The following NYAP2 variants were observed in gnomAD, a reference collection of about 807,000 sequenced individuals.
The protein encoded by NYAP2 is neuronal tyrosine-phosphorylated phosphoinositide-3-kinase adaptor 2.
A neutral mutation model predicts 50.4 loss-of-function variants in NYAP2; 23 were observed. The observed-to-expected ratio is 0.46, with a 90% CI of 0.33 to 0.65. NYAP2 has a LOEUF of 0.65. Among genes scored for constraint, NYAP2 ranks in the 30% least tolerant of loss-of-function variants. The pLI, the probability that NYAP2 is intolerant of heterozygous loss-of-function variation, is 0.02. For synonymous variants in NYAP2, 394 were observed against 365.2 expected, an observed-to-expected ratio of 1.08 and a Z score of -0.90; for missense variants, 885 against 861.0, an observed-to-expected ratio of 1.03 and a Z score of -0.35.
chr2:225,654,262 TC>T (rs1693788702), downstream of NYAP2, among the ~76,000 whole-genome samples: 3 of 152,030 alleles, frequency 2.0e-5, no homozygotes, highest in African/African-American at 7.2e-5. Context: ...AAACAATCCC[TC>T]TGGTCACTTT....
At chr2:225,401,040 T>A (rs1694851884) in exon 2 of NYAP2, 1 of 152,562 alleles carries the variant, frequency 6.6e-6, no homozygotes, top group Non-Finnish European at 1.5e-5. Flanking sequence ...GGACTTAAAT[T>A]TTGGTATGTA....
chr2:225,580,048 A>C (rs1227451817), intron 4 of NYAP2, among the ~76,000 whole-genome samples: 1 of 152,118 alleles, frequency 6.6e-6, no homozygotes, highest in African/African-American at 2.4e-5. Flanking sequence ...ACCCCAGTCC[A>C]TTCAATTCCT....
At chr2:225,494,470 G>T (rs571519306) in intron 3 of NYAP2, among the ~76,000 whole-genome samples, 1 of 152,278 alleles carries the variant, frequency 6.6e-6, no homozygotes, top group East Asian at 1.9e-4. Context: ...CACCAGTTCT[G>T]CTGGATTCAT....
intron 3 of NYAP2, among the ~76,000 whole-genome samples, chr2:225,506,496 A>G (rs1559198607): frequency 6.6e-6 from 1 of 152,192 alleles, no homozygotes; most frequent in Non-Finnish European, 1.5e-5. Context: ...CTAGATGGCC[A>G]ATTTCCATGA....
intron 5 of NYAP2, among the ~76,000 whole-genome samples, chr2:225,585,422 A>G (rs996426727): frequency 6.6e-6 from 1 of 152,228 alleles, no homozygotes; most frequent in African/African-American, 2.4e-5. Context: ...TTCAAGAAAA[A>G]TCCATCTGTT....
chr2:225,582,802 C>A lies in NYAP2; in HGVS notation c.1385C>A (p.Ser462Ter). 1 of 1,613,876 alleles carries A rather than the reference C, an allele frequency of 6.2e-7. No homozygotes were observed. Among genetic ancestry groups the A allele is most frequent in the Non-Finnish European group, 8.5e-7 (1 of 1,179,874 alleles). Residue 462 changes from serine to a stop codon, truncating the protein, a stop_gained, in exon 5 of 7, where the codon TCG becomes TAG. Transcript: ENST00000636099. LOFTEE classifies it high-confidence loss of function. This position sits in a 1 kb window ranked among gnomAD's most constrained non-coding sequence, Gnocchi z 7.0. ...CCTCCCCCTTACGACGCTGTGCATT[C>A]GGGCAGCCTCTCAAGGAGCTCTCCT...
chr2:225,411,687 A>G lies in NYAP2; in HGVS notation c.221+2586A>G, dbSNP rs142212914. On this transcript the variant is annotated intron_variant, in intron 3 of 6. Transcript: ENST00000636099. ...GGAACAGTGGAAGAATTCAGTAAGA[A>G]CGGTTAGTGAGAGGGGAGAACCACA... 2.0e-3 allele frequency among the ~76,000 whole-genome samples: 304 copies of G among 152,218 alleles called. 1 individual carries two copies. The highest frequency in any genetic ancestry group is 6.8e-3 in the African/African-American group (284 of 41,554).
At chr2:225,692,049 G>A in the NYAP2 span, among the ~76,000 whole-genome samples, 9 of 152,044 alleles carry the variant, frequency 5.9e-5, no homozygotes, top group African/African-American at 1.9e-4. Context: ...TTACTCTCAC[G>A]ACAAGTCTCA....
rs370376393 is a variant in NYAP2 at position 225,474,677 on chromosome 2, C to T, written c.222-38694C>T. On this transcript the variant is annotated intron_variant, in intron 3 of 6. Transcript: ENST00000636099. ...ATTGATTTTGTATCCTGAGACTTTGCTGAAGTTGCCTATCAGCTTAAGGAG... is the reference window on the plus strand; with the variant it reads ...ATTGATTTTGTATCCTGAGACTTTGTTGAAGTTGCCTATCAGCTTAAGGAG... 3.0e-4 allele frequency among the ~76,000 whole-genome samples: 46 copies of T among 152,328 alleles called. No individual in the cohort carries two copies. The East Asian group carries it at 6.6e-3, about 22-fold the overall frequency.
rs527290494 is a variant in NYAP2, at chr2:225,429,102, G to A, written c.221+20001G>A. Reference sequence around the variant, plus strand: ...TAGCCAGTGGCAGAATTAAGGTAAAGCTCAGATGTATCTGACTCCCAAGAA... The same window carrying A: ...TAGCCAGTGGCAGAATTAAGGTAAAACTCAGATGTATCTGACTCCCAAGAA... On this transcript the variant is annotated intron_variant, in intron 3 of 6. Coordinates refer to ENST00000636099, the Ensembl canonical transcript of NYAP2. Among the ~76,000 whole-genome samples the A allele has an allele frequency of 5.9e-5, 9 of 152,074 alleles. No homozygotes were observed. In the East Asian group the frequency reaches 1.7e-3, roughly 29 times the overall value.
chr2:225,578,221 T>C (rs1364154267), intron 4 of NYAP2, among the ~76,000 whole-genome samples: 2 of 151,906 alleles, frequency 1.3e-5, no homozygotes, highest in East Asian at 1.9e-4. Flanking sequence ...GTGTGAGCCA[T>C]TGCACCCCAC....
intron 4 of NYAP2, among the ~76,000 whole-genome samples, chr2:225,570,470 G>A (rs1348706403): frequency 6.6e-6 from 1 of 152,180 alleles, no homozygotes; most frequent in African/African-American, 2.4e-5. Flanking sequence ...TGGCTGGGGA[G>A]GCCTCAGGAA....
At chr2:225,506,029 A>C (rs1301410826) in intron 3 of NYAP2, among the ~76,000 whole-genome samples, 1 of 152,088 alleles carries the variant, frequency 6.6e-6, no homozygotes, top group Admixed American at 6.6e-5. Context: ...TGTTTGGCTG[A>C]GACTGAGCAA....
At chr2:225,492,211 T>A (rs561565632) in intron 3 of NYAP2, among the ~76,000 whole-genome samples, 1 of 152,324 alleles carries the variant, frequency 6.6e-6, no homozygotes, top group Admixed American at 6.5e-5. Context: ...GAAGCATCTA[T>A]GTCAGAACCA....
chr2:225,545,037 A>G lies in NYAP2; in HGVS notation c.523+31365A>G, dbSNP rs148786446. Among the ~76,000 whole-genome samples, 879 of 152,276 alleles carry G rather than the reference A, an allele frequency of 5.8e-3. 11 individuals are homozygous for G. The highest frequency in any genetic ancestry group is 0.021 in the African/African-American group (854 of 41,572). On this transcript the variant is annotated intron_variant, in intron 4 of 6. Transcript: ENST00000636099. The stretch of plus-strand genomic sequence containing the variant: ...CTCTTTTTTGGCCTATAAGATTTCA[A>G]CTGAAACATCTGCTGCCAGACTTAT...
chr2:225,529,571 C>T (rs916142084), intron 4 of NYAP2, among the ~76,000 whole-genome samples: 3 of 152,236 alleles, frequency 2.0e-5, no homozygotes, highest in South Asian at 2.1e-4. Flanking sequence ...GTGATCTACC[C>T]GCCTCGGCCT....
At chr2:225,641,422 A>ACACAC in intron 6 of NYAP2, among the ~76,000 whole-genome samples, 1 of 133,650 alleles carries the variant, frequency 7.5e-6, no homozygotes, top group Non-Finnish European at 1.6e-5. Context: ...CAATCCCTCA[A>ACACAC]ACACACACAC....
chr2:225,535,374 T>C (rs1216020524), intron 4 of NYAP2, among the ~76,000 whole-genome samples: 1 of 152,082 alleles, frequency 6.6e-6, no homozygotes, highest in African/African-American at 2.4e-5. Context: ...TTCCCAAAGA[T>C]AGTTAGGAGA....
intron 3 of NYAP2, among the ~76,000 whole-genome samples, chr2:225,479,800 C>G (rs908942991): frequency 2.0e-5 from 3 of 152,114 alleles, no homozygotes; most frequent in African/African-American, 7.2e-5. Context: ...GGAAAAACAT[C>G]TAAATTTTTT....
Sources: allele counts gnomAD v4.1 joint callset (sites outside exome capture counted in the v4.1 genomes callset), GRCh38; gene constraint gnomAD v4.1.1; non-coding constraint Gnocchi (gnomAD v3.1); transcripts MANE v1.5; gene names NCBI Gene and HGNC (gene_info 2026-07-23, HGNC 2026-07-21).